DLG2: variants seen among roughly 807,000 people sequenced by gnomAD.
DLG2 encodes the protein discs large MAGUK scaffold protein 2.
A neutral mutation model predicts 132.5 loss-of-function variants in DLG2; 45 were observed. The ratio of observed to expected loss-of-function variants is 0.34; its 90% CI spans 0.27 to 0.44. The LOEUF (loss-of-function observed/expected upper bound fraction) is 0.44, where lower values mean the gene tolerates loss of function less well. Among genes scored for constraint, DLG2 ranks in the 20% least tolerant of loss-of-function variants. The pLI is 1.00. For missense variants in DLG2, 1,045 were observed against 1,196.9 expected (o/e 0.87, Z 1.87); for synonymous variants, 424 against 419.6 (o/e 1.01, Z -0.13).
chr11:84,159,029 C>A (rs952298332), intron 9 of DLG2, among the ~76,000 whole-genome samples: 82 of 152,188 alleles, frequency 5.4e-4, no homozygotes, highest in African/African-American at 1.9e-3. Flanking sequence ...GTATGTAGTT[C>A]AAGGTCACTT....
At chr11:83,920,692 C>G (rs1037153320) in intron 15 of DLG2, among the ~76,000 whole-genome samples, 2 of 152,106 alleles carry the variant, frequency 1.3e-5, no homozygotes, top group African/African-American at 4.8e-5. Flanking sequence ...TTATATAAAA[C>G]CTCTTGAAAT....
intron 6 of DLG2, among the ~76,000 whole-genome samples, chr11:84,666,053 T>C (rs542226661): frequency 1.3e-5 from 2 of 152,212 alleles, no homozygotes; most frequent in Admixed American, 1.3e-4. Context: ...TCACTAGGAA[T>C]TCGGCTAACA....
chr11:83,807,840 G>A (rs565232260), intron 17 of DLG2, among the ~76,000 whole-genome samples: 54 of 152,108 alleles, frequency 3.6e-4, no homozygotes, highest in Non-Finnish European at 6.3e-4. Context: ...TAGATGCTTC[G>A]AAAGTAGCAG....
intron 14 of DLG2, among the ~76,000 whole-genome samples, chr11:83,954,235 C>T (rs921190809): frequency 6.6e-6 from 1 of 152,074 alleles, no homozygotes; most frequent in Admixed American, 6.5e-5. Context: ...TGGATGTTCC[C>T]CTTGAATTAA....
chr11:83,572,816 G>A (rs500059), intron 19 of DLG2, among the ~76,000 whole-genome samples: 55,533 of 151,886 alleles, frequency 0.37, 10,475 homozygotes, highest in Admixed American at 0.49. Context: ...TACTCTGAAT[G>A]AACTCCTTAA....
At chr11:84,364,126 T>G (rs1246578145) in intron 7 of DLG2, among the ~76,000 whole-genome samples, 5 of 152,090 alleles carry the variant, frequency 3.3e-5, no homozygotes, top group African/African-American at 1.2e-4. Context: ...ACGATATTGA[T>G]TCTTCCTACC....
intron 7 of DLG2, among the ~76,000 whole-genome samples, chr11:84,340,964 C>G (rs1343408373): frequency 6.6e-6 from 1 of 152,014 alleles, no homozygotes; most frequent in African/African-American, 2.4e-5. Context: ...TACATTCTAT[C>G]CAGATGAATA....
chr11:84,329,224 A>T (rs1052121341), intron 7 of DLG2, among the ~76,000 whole-genome samples: 2 of 152,194 alleles, frequency 1.3e-5, no homozygotes, highest in African/African-American at 4.8e-5. Context: ...ATTTCACAAT[A>T]TAATTATTAT....
chr11:85,071,836 T>C (rs956116614), intron 6 of DLG2, among the ~76,000 whole-genome samples: 10 of 151,834 alleles, frequency 6.6e-5, no homozygotes, highest in Non-Finnish European at 1.3e-4. Context: ...TTAAGTATCC[T>C]TACATCTCTC....
intron 18 of DLG2, among the ~76,000 whole-genome samples, chr11:83,753,862 A>G (rs188476701): frequency 6.5e-3 from 46 of 7,122 alleles, no homozygotes; most frequent in South Asian, 0.056. Flanking sequence ...TCATATATAT[A>G]TTTCATATAT....
intron 5 of DLG2, among the ~76,000 whole-genome samples, chr11:85,122,707 A>T (rs941866495): frequency 3.3e-5 from 5 of 151,872 alleles, no homozygotes; most frequent in Non-Finnish European, 5.9e-5. Context: ...GCAGTTTTCT[A>T]GCAGATGATA....
intron 7 of DLG2, among the ~76,000 whole-genome samples, chr11:84,438,787 T>C (rs925134279): frequency 1.3e-5 from 2 of 152,200 alleles, no homozygotes; most frequent in African/African-American, 4.8e-5. Flanking sequence ...AAGGAAAGCC[T>C]GCCTTCCAGT....
intron 6 of DLG2, among the ~76,000 whole-genome samples, chr11:84,659,606 A>C (rs1414907106): frequency 1.3e-5 from 2 of 152,184 alleles, no homozygotes; most frequent in African/African-American, 2.4e-5. Context: ...TAAGTTACTG[A>C]ATGACTATCC....
chr11:84,676,489 T>C (rs898517248), intron 6 of DLG2, among the ~76,000 whole-genome samples: 1 of 152,038 alleles, frequency 6.6e-6, no homozygotes, highest in African/African-American at 2.4e-5. Context: ...CTGAGGTCCT[T>C]TATCACACAC....
At chr11:83,880,230 T>A (rs79388537) in intron 15 of DLG2, among the ~76,000 whole-genome samples, 118 of 152,192 alleles carry the variant, frequency 7.8e-4, no homozygotes, top group African/African-American at 2.8e-3. Context: ...AAGATGGAGA[T>A]AACAGTGATT....
chr11:83,801,822 C>A (rs2044473642), intron 17 of DLG2, among the ~76,000 whole-genome samples: 1 of 152,064 alleles, frequency 6.6e-6, no homozygotes. Context: ...TAACTCCATA[C>A]TTTTAGTGCT....
intron 7 of DLG2, among the ~76,000 whole-genome samples, chr11:84,294,503 C>G (rs1471979494): frequency 6.6e-6 from 1 of 152,132 alleles, no homozygotes; most frequent in Non-Finnish European, 1.5e-5. Context: ...GAGGCTGAGG[C>G]AGAAGAATCG....
chr11:83,777,159 C>T (rs1327415443), intron 18 of DLG2, among the ~76,000 whole-genome samples: 2 of 152,116 alleles, frequency 1.3e-5, no homozygotes, highest in Non-Finnish European at 2.9e-5. Flanking sequence ...CCTGCCATTG[C>T]TTAATTTTAC....
intron 16 of DLG2, among the ~76,000 whole-genome samples, chr11:83,850,649 C>T (rs1028064245): frequency 2.6e-5 from 4 of 152,122 alleles, no homozygotes; most frequent in Non-Finnish European, 4.4e-5. Context: ...AAGGCAGAGG[C>T]CAGATCAGGA....
Sources: allele counts gnomAD v4.1 joint callset (sites outside exome capture counted in the v4.1 genomes callset), GRCh38; gene constraint gnomAD v4.1.1; transcripts MANE v1.5; gene names NCBI Gene and HGNC (gene_info 2026-07-23, HGNC 2026-07-21).